The following SYNE1 variants were observed in gnomAD, a reference collection of about 807,000 sequenced individuals.
SYNE1 encodes nesprin-1.
In SYNE1, 616 loss-of-function variants were observed where a neutral mutation model predicts 1,111.0. The ratio of observed to expected loss-of-function variants is 0.55; its 90% CI spans 0.52 to 0.59. The LOEUF (loss-of-function observed/expected upper bound fraction) is 0.59, where lower values mean the gene tolerates loss of function less well. SYNE1 is among the 20% of genes least tolerant of loss of function. SYNE1 has a pLI of 0.00. For synonymous variants in SYNE1, 3,855 were observed against 3,825.8 expected, an observed-to-expected ratio of 1.01 and a Z score of -0.28; for missense variants, 10,006 against 10,417.0, an observed-to-expected ratio of 0.96 and a Z score of 1.72.
intron 39 of SYNE1, among the ~76,000 whole-genome samples, chr6:152,424,167 TA>T (rs999780272): frequency 2.6e-5 from 4 of 152,218 alleles, no homozygotes; most frequent in African/African-American, 7.2e-5. Context: ...AATTAGTTAA[TA>T]AATAATAGGT....
At chr6:152,362,451 G>T in intron 63 of SYNE1, 128 bp from the exon 64 acceptor site, 1 of 1,267,108 alleles carries the variant, frequency 7.9e-7, no homozygotes, top group Non-Finnish European at 1.1e-6. Flanking sequence ...TTGCTTGGGA[G>T]TGAGCAGGCT....
At position 152,344,159 on chromosome 6, in the gene SYNE1, C is replaced by T. The variant is rs2096589675; in HGVS notation, c.12147G>A (p.Gln4049=). The part of the protein sequence containing the change: ...VSRQDTLQQC[Q]AWLSAVQPDL... Reference sequence around the variant, plus strand: ...CCGGCTGGACTGCAGAAAGCCAGGCCTGGCACTGCTGCAGGGTGTCTTGTC... The same window carrying T: ...CCGGCTGGACTGCAGAAAGCCAGGCTTGGCACTGCTGCAGGGTGTCTTGTC... Residue 4049 remains glutamine (Q), a synonymous_variant, in exon 74 of 146, where the codon CAG becomes CAA. Coordinates refer to ENST00000367255, the MANE Select transcript of SYNE1 (RefSeq NM_182961.4). 6.2e-7 allele frequency: 1 copy of T among 1,614,106 alleles called. No individual in the cohort carries two copies. The highest frequency in any genetic ancestry group is 1.3e-5 in the African/African-American group (1 of 74,942).
intron 3 of SYNE1, among the ~76,000 whole-genome samples, chr6:152,608,169 T>TAA (rs200322411): frequency 0.7 from 106,753 of 151,562 alleles, 37,649 homozygotes; most frequent in East Asian, 0.8. Context: ...TAAATAAAAA[T>TAA]AAATAAATAA....
chr6:152,633,657 C>T (rs2099701688), intron 2 of SYNE1, among the ~76,000 whole-genome samples: 1 of 126,754 alleles, frequency 7.9e-6, no homozygotes, highest in African/African-American at 3.2e-5. Context: ...GGAATTTGGA[C>T]TACCTGCTAT....
Position 152,370,339 on chromosome 6 carries a change from C to T in SYNE1, c.9508-725G>A, listed in dbSNP as rs541842731. Among the ~76,000 whole-genome samples the T allele has an allele frequency of 1.0e-3, 154 of 152,152 alleles. 1 individual carries two copies. The highest frequency in any genetic ancestry group is 1.6e-3 in the Non-Finnish European group (112 of 68,012). ...TGGGTCTGACACTTCCGGAGACACACCATAGTACCTTACAGGAATGTAAAG... is the reference window on the plus strand; with the variant it reads ...TGGGTCTGACACTTCCGGAGACACATCATAGTACCTTACAGGAATGTAAAG... On this transcript the variant is annotated intron_variant, in intron 59 of 145. Transcript: ENST00000367255.
chr6:152,395,881 T>C (rs930528126), intron 50 of SYNE1, among the ~76,000 whole-genome samples: 2 of 152,202 alleles, frequency 1.3e-5, no homozygotes, highest in Non-Finnish European at 2.9e-5. Context: ...TCTTTTGAGA[T>C]CCAAGCAGGA....
In SYNE1 at chr6:152,130,775, G is replaced by A. The variant is rs1193193335; in HGVS notation, c.26098C>T (p.Arg8700Ter). 7 of 1,614,038 alleles carry A rather than the reference G, an allele frequency of 4.3e-6. No individual in the cohort carries two copies. The highest frequency in any genetic ancestry group is 5.9e-6 in the Non-Finnish European group (7 of 1,180,030). ...GGCTGTGAGAGACTACACTTGCCTC[G>A]TGGCTGTTTGCAATGAACAGGGGGT... Reference protein sequence around the residue: ...RSTPNRQKTPRGKCSLSQPGP... With the variant: ...RSTPNRQKTP Residue 8700 changes from arginine (R) to a stop codon, truncating the protein, a stop_gained, in exon 145 of 146, where the codon CGA becomes TGA. Transcript: ENST00000367255. LOFTEE classifies it high-confidence loss of function.
In SYNE1 at chr6:152,636,773, C is replaced by T. The variant is rs2099706585; in HGVS notation, c.-359G>A. On this transcript the variant is annotated 5_prime_UTR_variant, in exon 2 of 146. Transcript: ENST00000367255. ...CGCCCGCCCTGTCGCCGGGATCGGG[C>T]GCGGTCTGCAGGACTGCGGGAGCCC... 1 of 152,246 alleles carries T rather than the reference C, an allele frequency of 6.6e-6. No homozygotes were observed. Among genetic ancestry groups the T allele is most frequent in the Non-Finnish European group, 1.5e-5 (1 of 68,088 alleles). The allele number at this position is 152,246 out of a possible 1,614,324, so 9.4% of individuals were successfully genotyped here.
At chr6:152,208,241 T>A (rs1281056793) in intron 124 of SYNE1, 35 bp from the exon 125 acceptor site, 1 of 1,592,778 alleles carries the variant, frequency 6.3e-7, no homozygotes, top group African/African-American at 1.3e-5. Flanking sequence ...AAAAAAGCAC[T>A]GTTATCTTGG....
chr6:152,447,064 G>A (rs2098598909), intron 29 of SYNE1, among the ~76,000 whole-genome samples: 1 of 152,162 alleles, frequency 6.6e-6, no homozygotes, highest in Admixed American at 6.5e-5. Flanking sequence ...TGTTACGTAA[G>A]TTGAAGGTTA....
chr6:152,239,752 T>G, intron 107 of SYNE1, 46 bp from the exon 108 acceptor site: 1 of 1,610,790 alleles, frequency 6.2e-7, no homozygotes, highest in Non-Finnish European at 8.5e-7. Flanking sequence ...ATTCATATAT[T>G]ATGTTAGAAT....
At chr6:152,437,788 TA>T (rs774608888) in intron 32 of SYNE1, among the ~76,000 whole-genome samples, 14 of 152,314 alleles carry the variant, frequency 9.2e-5, no homozygotes, top group East Asian at 3.9e-4. Context: ...CCTAAATGAA[TA>T]ATGTAGAAAT....
chr6:152,437,869 GT>G lies in SYNE1; in HGVS notation c.4150-1769del, dbSNP rs2098488229. The stretch of plus-strand genomic sequence containing the variant: ...AGAACATAGTACCATATAAGATAGA[GT>G]TACTAAATAATACTATTATATCTTC... On this transcript the variant is annotated intron_variant, in intron 32 of 145. Coordinates refer to ENST00000367255, the MANE Select transcript of SYNE1 (RefSeq NM_182961.4). Among the ~76,000 whole-genome samples, 3 of 152,094 alleles carry G rather than the reference GT, an allele frequency of 2.0e-5. No homozygotes were observed. In the South Asian group the frequency reaches 6.2e-4, roughly 31 times the overall value.
intron 53 of SYNE1, among the ~76,000 whole-genome samples, chr6:152,387,742 C>T (rs1246620974): frequency 6.6e-6 from 1 of 152,064 alleles, no homozygotes; most frequent in Non-Finnish European, 1.5e-5. Context: ...TAGATCAGTT[C>T]TTAATTTTCT....
At position 152,337,007 on chromosome 6, in the gene SYNE1, T is replaced by C. The variant is rs9479297; in HGVS notation, c.12362A>G (p.Lys4121Arg). 1,214,836 of 1,613,086 alleles carry C rather than the reference T, an allele frequency of 0.75. 460,415 individuals are homozygous for C. Among genetic ancestry groups the C allele is most frequent in the African/African-American group, 0.93 (69,806 of 74,998 alleles). The change falls in exon 76 of 146, where the codon AAG (lysine) becomes AGG (arginine). Residue 4121 changes from lysine (K) to arginine (R), a missense_variant. Physicochemically the swap from Lys to Arg is conservative, Grantham distance 26 (BLOSUM62 2). Transcript: ENST00000367255. Reference sequence around the variant, plus strand: ...AGTTAAGTTCTGGGCCTGGACAAGCTTTTGTTCAATCTTGAGAAAACACAG... The same window carrying C: ...AGTTAAGTTCTGGGCCTGGACAAGCCTTTGTTCAATCTTGAGAAAACACAG... ...IQQTEQTIEQKLVQAQNLTQG... is the reference protein window; with the variant it reads ...IQQTEQTIEQRLVQAQNLTQG...
intron 92 of SYNE1, among the ~76,000 whole-genome samples, chr6:152,301,076 A>C (rs548150187): frequency 4.6e-5 from 7 of 152,314 alleles, no homozygotes; most frequent in Non-Finnish European, 4.4e-5. Flanking sequence ...TGGCTTTATA[A>C]ATAACTGGAA....
At chr6:152,441,354 C>A (rs1207010275) in intron 31 of SYNE1, 84 bp from the exon 32 acceptor site, 1 of 1,424,070 alleles carries the variant, frequency 7.0e-7, no homozygotes, top group Non-Finnish European at 9.6e-7. Flanking sequence ...AAACTGTCAA[C>A]TTTCAGCGAA....
intron 3 of SYNE1, among the ~76,000 whole-genome samples, chr6:152,600,153 G>T (rs572157031): frequency 6.6e-6 from 1 of 152,114 alleles, no homozygotes; most frequent in African/African-American, 2.4e-5. Context: ...TAACAAAGGC[G>T]AACAGTTTAA....
At chr6:152,483,914 A>C (rs2098924357) in intron 13 of SYNE1, among the ~76,000 whole-genome samples, 1 of 151,790 alleles carries the variant, frequency 6.6e-6, no homozygotes, top group African/African-American at 2.4e-5. Context: ...ATCAAAAAAA[A>C]AATTAGGCTG....
Sources: allele counts gnomAD v4.1 joint callset (sites outside exome capture counted in the v4.1 genomes callset), GRCh38; gene constraint gnomAD v4.1.1; transcripts MANE v1.5; gene names NCBI Gene and HGNC (gene_info 2026-07-23, HGNC 2026-07-21).